The following DCAF5 variants were observed in gnomAD, a reference collection of about 807,000 sequenced individuals.
DCAF5 encodes the protein DDB1- and CUL4-associated factor 5.
In DCAF5, 9 loss-of-function variants were observed where a neutral mutation model predicts 80.7. The observed-to-expected ratio is 0.11, with a 90% confidence interval of 0.07 to 0.19. The LOEUF is 0.19. Among genes scored for constraint, DCAF5 ranks in the 10% least tolerant of loss-of-function variants. DCAF5 has a pLI of 1.00. For missense variants in DCAF5, 842 were observed against 1,205.7 expected (o/e 0.70, Z 4.47); for synonymous variants, 433 against 461.9 (o/e 0.94, Z 0.80).
chr14:69,141,565 T>C (rs1292816065), intron 1 of DCAF5, among the ~76,000 whole-genome samples: 2 of 152,114 alleles, frequency 1.3e-5, no homozygotes, highest in Non-Finnish European at 2.9e-5. Context: ...TAGGACCTTT[T>C]TAAGAATGAA....
rs199498666 is a variant in DCAF5 at position 69,054,153 on chromosome 14, G to A, written c.2533C>T (p.His845Tyr). The change falls in exon 9 of 9, where the codon CAC becomes TAC. Residue 845 changes from histidine (H) to tyrosine (Y), a missense_variant. By Grantham distance (83) the His-to-Tyr change is moderately conservative. Coordinates refer to ENST00000341516, the MANE Select transcript of DCAF5 (RefSeq NM_003861.3). ...GRLHPRPPHP[H>Y]NNGQNLGELE... ...TCCCCCAAGTTCTGCCCGTTATTGTGAGGGTGAGGGGGACGAGGGTGTAAG... is the reference window on the plus strand; with the variant it reads ...TCCCCCAAGTTCTGCCCGTTATTGTAAGGGTGAGGGGGACGAGGGTGTAAG... The A allele has an allele frequency of 1.2e-6, 2 of 1,614,278 alleles. No homozygotes were observed. Among genetic ancestry groups the A allele is most frequent in the Non-Finnish European group, 1.7e-6 (2 of 1,180,052 alleles).
intron 6 of DCAF5, 116 bp downstream of exon 6, chr14:69,091,558 T>C (rs147296820): frequency 1.0e-6 from 1 of 954,576 alleles, no homozygotes. Context: ...GCACTCACTG[T>C]TTCCCCTTAA....
chr14:69,092,671 C>T (rs1207799669), intron 5 of DCAF5, among the ~76,000 whole-genome samples: 1 of 152,156 alleles, frequency 6.6e-6, no homozygotes, highest in African/African-American at 2.4e-5. Context: ...CAATCATAAT[C>T]ATTTCATTAC....
intron 2 of DCAF5, among the ~76,000 whole-genome samples, chr14:69,119,636 G>A (rs1481393228): frequency 6.6e-6 from 1 of 151,410 alleles, no homozygotes; most frequent in African/African-American, 2.4e-5. Flanking sequence ...AATCGCTTGA[G>A]GTCAGGAGTT....
chr14:69,136,417 A>G (rs1466213010), intron 1 of DCAF5, among the ~76,000 whole-genome samples: 2 of 152,128 alleles, frequency 1.3e-5, no homozygotes, highest in Non-Finnish European at 2.9e-5. Context: ...CACCCAGCCT[A>G]TAATTTTCTT....
rs1436655865 is a variant in DCAF5, at chr14:69,118,070, T to G, written c.535+69A>C. 1 of 1,585,754 alleles carries G rather than the reference T, an allele frequency of 6.3e-7. No individual in the cohort carries two copies. Among genetic ancestry groups the G allele is most frequent in the African/African-American group, 1.3e-5 (1 of 74,456 alleles). ...GCACATAGATACTGAGGTAATAAAT[T>G]GGATCTTCAATGAATCTGACATCAA... On this transcript the variant is annotated intron_variant, in intron 4 of 8. Coordinates refer to ENST00000341516, the MANE Select transcript of DCAF5 (RefSeq NM_003861.3). The surrounding 1 kb of genome is among the most constrained non-coding windows in gnomAD (Gnocchi z 4.0).
At chr14:69,136,906 T>G (rs1318955364) in intron 1 of DCAF5, among the ~76,000 whole-genome samples, 1 of 152,204 alleles carries the variant, frequency 6.6e-6, no homozygotes, top group Non-Finnish European at 1.5e-5. Flanking sequence ...AATATTAATC[T>G]TAATATTACA....
At chr14:69,138,536 GT>G (rs1322057131) in intron 1 of DCAF5, among the ~76,000 whole-genome samples, 1 of 152,204 alleles carries the variant, frequency 6.6e-6, no homozygotes, top group Non-Finnish European at 1.5e-5. Context: ...CCACTTAGGA[GT>G]TTAACACTTT....
At chr14:69,119,689 A>G (rs2040650737) in intron 2 of DCAF5, among the ~76,000 whole-genome samples, 1 of 137,846 alleles carries the variant, frequency 7.3e-6, no homozygotes, top group Non-Finnish European at 1.6e-5. Flanking sequence ...CCTGGGCAAC[A>G]GAGAGAGACT....
intron 7 of DCAF5, among the ~76,000 whole-genome samples, chr14:69,066,172 T>C (rs2038432402): frequency 1.3e-5 from 2 of 151,690 alleles, no homozygotes; most frequent in African/African-American, 2.4e-5. Context: ...TCTTGCTCTG[T>C]TGCCCAGGCT....
At chr14:69,096,317 A>G (rs2139985705) in intron 5 of DCAF5, among the ~76,000 whole-genome samples, 1 of 152,318 alleles carries the variant, frequency 6.6e-6, no homozygotes, top group South Asian at 2.1e-4. Flanking sequence ...CAACCAACCC[A>G]AGGAAGACAC....
chr14:69,098,727 C>CAAAAAAAA (rs35501979), intron 5 of DCAF5, among the ~76,000 whole-genome samples: 74 of 92,464 alleles, frequency 8.0e-4, no homozygotes, highest in Non-Finnish European at 1.0e-3. Flanking sequence ...ACTAAAAATA[C>CAAAAAAAA]AAAAAAAAAA....
intron 1 of DCAF5, among the ~76,000 whole-genome samples, chr14:69,123,500 C>A (rs968064109): frequency 3.9e-5 from 6 of 152,094 alleles, no homozygotes; most frequent in African/African-American, 1.4e-4. Flanking sequence ...TGTTGGGAGA[C>A]TTTTTATGGT....
At chr14:69,125,385 T>C (rs1012531460) in intron 1 of DCAF5, among the ~76,000 whole-genome samples, 5 of 152,230 alleles carry the variant, frequency 3.3e-5, no homozygotes, top group East Asian at 1.9e-4. Context: ...ATTCTTGCAG[T>C]GCACAAAACT....
At chr14:69,136,065 C>G (rs1031764458) in intron 1 of DCAF5, among the ~76,000 whole-genome samples, 1 of 150,500 alleles carries the variant, frequency 6.6e-6, no homozygotes, top group Non-Finnish European at 1.5e-5. Flanking sequence ...ATACAGTTAT[C>G]TAAGACATTA....
In DCAF5 at chr14:69,153,075, A is replaced by C. The variant is rs2074711351; in HGVS notation, c.-97T>G. ...CACCCGGCCCTCCCCCCGCGCTGCG[A>C]TCCGGATGGTTCTTTAACCAGCCAT... On this transcript the variant is annotated 5_prime_UTR_variant, in exon 1 of 9. Coordinates refer to ENST00000341516, the MANE Select transcript of DCAF5 (RefSeq NM_003861.3). The C allele has an allele frequency of 2.0e-6, 2 of 980,046 alleles. No homozygotes were observed. Among genetic ancestry groups the C allele is most frequent in the African/African-American group, 3.6e-5 (2 of 55,712 alleles). 60.7% of individuals were successfully genotyped at this position (980,046 alleles called of 1,614,324 possible).
intron 5 of DCAF5, among the ~76,000 whole-genome samples, chr14:69,112,541 A>C (rs2040405061): frequency 1.3e-5 from 2 of 151,792 alleles, no homozygotes; most frequent in South Asian, 4.2e-4. Context: ...TCTAAAAATA[A>C]AAACTAAAAA....
rs115913950 is a variant in DCAF5, at chr14:69,131,553, A to C, written c.215-9193T>G. 2.8e-3 allele frequency among the ~76,000 whole-genome samples: 428 copies of C among 152,276 alleles called. 2 individuals are homozygous for C. Among genetic ancestry groups the C allele is most frequent in the African/African-American group, 9.9e-3 (413 of 41,560 alleles). On this transcript the variant is annotated intron_variant, in intron 1 of 8. Transcript: ENST00000341516. ...CACTTACATATCTCATTTTATTGTC[A>C]CTTGTGAGGTAAGGATTATGTAGGC...
At chr14:69,108,726 T>C (rs570529934) in intron 5 of DCAF5, among the ~76,000 whole-genome samples, 2 of 152,296 alleles carry the variant, frequency 1.3e-5, no homozygotes, top group African/African-American at 4.8e-5. Flanking sequence ...ATGAGTACTG[T>C]AAACCTATGT....
Sources: allele counts gnomAD v4.1 joint callset (sites outside exome capture counted in the v4.1 genomes callset), GRCh38; gene constraint gnomAD v4.1.1; non-coding constraint Gnocchi (gnomAD v3.1); transcripts MANE v1.5; gene names NCBI Gene and HGNC (gene_info 2026-07-23, HGNC 2026-07-21).